The following IRAK1BP1 variants were observed in gnomAD, a reference collection of about 807,000 sequenced individuals.
IRAK1BP1 encodes the protein interleukin 1 receptor associated kinase 1 binding protein 1.
IRAK1BP1 carries 24 observed loss-of-function variants against 28.0 expected under a neutral mutation model. The ratio of observed to expected loss-of-function variants is 0.86; its 90% CI spans 0.62 to 1.20. The LOEUF (loss-of-function observed/expected upper bound fraction) is 1.20, where lower values mean the gene tolerates loss of function less well. Ranked by LOEUF, IRAK1BP1 falls within the 50% of genes most tolerant of loss-of-function variation. The probability of loss-of-function intolerance (pLI) is 0.00; values close to 1 mark genes in which losing one functional copy is unlikely to be tolerated. For synonymous variants in IRAK1BP1, 131 were observed against 116.3 expected, an observed-to-expected ratio of 1.13 and a Z score of -0.81; for missense variants, 336 against 316.7, an observed-to-expected ratio of 1.06 and a Z score of -0.46.
chr6:78,943,151 C>T (rs1773587278), intron 4 of IRAK1BP1, among the ~76,000 whole-genome samples: 2 of 152,036 alleles, frequency 1.3e-5, no homozygotes, highest in African/African-American at 4.8e-5. Context: ...CCTGTTTTTA[C>T]TGAACATGGT....
chr6:78,868,530 A>G (rs1770675267), intron 1 of IRAK1BP1, among the ~76,000 whole-genome samples: 1 of 152,222 alleles, frequency 6.6e-6, no homozygotes. Context: ...TATACGAAAT[A>G]CTTCTACTTA....
intron 4 of IRAK1BP1, among the ~76,000 whole-genome samples, chr6:78,926,133 A>G (rs550297961): frequency 6.6e-6 from 1 of 152,268 alleles, no homozygotes; most frequent in African/African-American, 2.4e-5. Context: ...AACATCTCAC[A>G]CCAGTCAGAA....
At chr6:78,917,646 A>AG (rs1772596655) in intron 4 of IRAK1BP1, among the ~76,000 whole-genome samples, 1 of 151,604 alleles carries the variant, frequency 6.6e-6, no homozygotes, top group African/African-American at 2.4e-5. Context: ...AAAAAAAAAA[A>AG]AAAAAAAAAA....
chr6:78,970,721 T>C, the IRAK1BP1 span: 1 of 1,097,948 alleles, frequency 9.1e-7, no homozygotes, highest in Non-Finnish European at 1.3e-6. Flanking sequence ...TTTGATACAA[T>C]TTTCTCCAAA....
chr6:78,948,819 A>G (rs907212481), downstream of IRAK1BP1, among the ~76,000 whole-genome samples: 1 of 152,166 alleles, frequency 6.6e-6, no homozygotes, highest in East Asian at 1.9e-4. Context: ...GTCCCTCAGT[A>G]TGCGACTATA....
intron 4 of IRAK1BP1, among the ~76,000 whole-genome samples, chr6:78,930,412 T>C (rs547560978): frequency 8.5e-5 from 13 of 152,304 alleles, no homozygotes; most frequent in Admixed American, 2.6e-4. Context: ...CTTCAAGTCA[T>C]ATTTTTAATA....
At chr6:78,885,343 T>G in intron 1 of IRAK1BP1, 35 bp from the exon 2 acceptor site, 1 of 1,184,112 alleles carries the variant, frequency 8.4e-7, no homozygotes, top group Non-Finnish European at 1.2e-6. Context: ...CATCAAATAT[T>G]TAGTAATCAT....
At chr6:78,919,839 CA>C (rs1772670930) in intron 4 of IRAK1BP1, among the ~76,000 whole-genome samples, 3 of 152,096 alleles carry the variant, frequency 2.0e-5, no homozygotes, top group Non-Finnish European at 4.4e-5. Flanking sequence ...TCTATGTAGA[CA>C]GCATGAGAAA....
exon 5 of IRAK1BP1, chr6:78,945,628 G>T: frequency 1.5e-6 from 1 of 662,052 alleles, no homozygotes; most frequent in East Asian, 2.7e-5. Context: ...TCTTAGGAAA[G>T]CTACTTTCTA....
chr6:78,963,377 T>C, the IRAK1BP1 span: 1 of 640,432 alleles, frequency 1.6e-6, no homozygotes, highest in Non-Finnish European at 2.5e-6. Context: ...AAATATACTC[T>C]TTATTTTAAC....
the IRAK1BP1 span, among the ~76,000 whole-genome samples, chr6:78,971,057 A>G: frequency 1.3e-5 from 2 of 152,170 alleles, no homozygotes; most frequent in Non-Finnish European, 2.9e-5. Context: ...TCACTAAATC[A>G]TAACCAAAGT....
chr6:78,876,942 C>T (rs934486251), intron 1 of IRAK1BP1, among the ~76,000 whole-genome samples: 9 of 152,264 alleles, frequency 5.9e-5, no homozygotes, highest in African/African-American at 1.9e-4. Flanking sequence ...CTATCAGAAA[C>T]GTATCTATAG....
intron 4 of IRAK1BP1, among the ~76,000 whole-genome samples, chr6:78,909,560 A>G (rs532444285): frequency 2.0e-5 from 3 of 152,208 alleles, no homozygotes; most frequent in Non-Finnish European, 4.4e-5. Context: ...AGGGCATGAC[A>G]AATGCAGAAT....
At chr6:78,959,326 G>C in the IRAK1BP1 span, among the ~76,000 whole-genome samples, 1 of 152,038 alleles carries the variant, frequency 6.6e-6, no homozygotes, top group Non-Finnish European at 1.5e-5. Context: ...GAATAACACT[G>C]TATCTAATTG....
At chr6:78,928,056 T>A (rs1317437813) in intron 4 of IRAK1BP1, among the ~76,000 whole-genome samples, 1 of 152,170 alleles carries the variant, frequency 6.6e-6, no homozygotes, top group Non-Finnish European at 1.5e-5. Flanking sequence ...AGGATTGTTT[T>A]TGCTGTTTCT....
intron 1 of IRAK1BP1, among the ~76,000 whole-genome samples, chr6:78,869,762 A>G (rs1419713098): frequency 6.6e-6 from 1 of 152,146 alleles, no homozygotes; most frequent in Non-Finnish European, 1.5e-5. Context: ...AGATTTATAA[A>G]CATCACTTCC....
chr6:78,958,043 T>C, the IRAK1BP1 span: 4 of 155,458 alleles, frequency 2.6e-5, no homozygotes, highest in Admixed American at 1.3e-4. Context: ...TTATACATGT[T>C]AACCACTATA....
chr6:78,906,279 C>T (rs1398731722), downstream of IRAK1BP1, among the ~76,000 whole-genome samples: 2 of 151,826 alleles, frequency 1.3e-5, no homozygotes. Flanking sequence ...TGGGAAATGG[C>T]AGATGAAACA....
intron 4 of IRAK1BP1, among the ~76,000 whole-genome samples, chr6:78,941,504 T>G (rs1773498590): frequency 6.6e-6 from 1 of 152,166 alleles, no homozygotes; most frequent in South Asian, 2.1e-4. Flanking sequence ...ATCTTATTTA[T>G]TTTCTAATTA....
Sources: allele counts gnomAD v4.1 joint callset (sites outside exome capture counted in the v4.1 genomes callset), GRCh38; gene constraint gnomAD v4.1.1; transcripts MANE v1.5; gene names NCBI Gene and HGNC (gene_info 2026-07-23, HGNC 2026-07-21).